Variants in TNIP1 observed in about 807,000 individuals in gnomAD.
TNIP1 encodes TNFAIP3-interacting protein 1.
TNIP1 carries 22 observed loss-of-function variants against 86.6 expected under a neutral mutation model. The ratio of observed to expected loss-of-function variants is 0.25; its 90% CI spans 0.18 to 0.36. The LOEUF is 0.36. TNIP1 is among the 10% of genes least tolerant of loss of function. TNIP1 has a pLI of 1.00. For synonymous variants in TNIP1, 294 were observed against 313.0 expected (o/e 0.94, Z 0.64); for missense variants, 709 against 820.6 (o/e 0.86, Z 1.66).
At chr5:151,034,188 AGCTGGTACATGGGCATGGAAG>A (rs1274842790) in intron 15 of TNIP1, among the ~76,000 whole-genome samples, 3 of 101,980 alleles carry the variant, frequency 2.9e-5, no homozygotes, top group Admixed American at 2.9e-4. Context: ...GGGCATGGAA[AGCTGGTACATGGGCATGGAAG>A]GCTGGTACAT....
At chr5:151,039,775 T>C (rs1758185888) in intron 11 of TNIP1, among the ~76,000 whole-genome samples, 1 of 152,156 alleles carries the variant, frequency 6.6e-6, no homozygotes. Context: ...AGAGGAGAGA[T>C]GACACGCCCA....
intron 16 of TNIP1, chr5:151,032,839 A>G (rs985966583): frequency 3.2e-5 from 6 of 189,430 alleles, no homozygotes; most frequent in African/African-American, 1.4e-4. Context: ...TAAGAAGGGA[A>G]AAGAGGCCAG....
rs767085385 is a variant in TNIP1 at position 151,064,920 on chromosome 5, G to A, written c.136+40C>T. The stretch of plus-strand genomic sequence containing the variant: ...AGAGGGACTGGCATCACAGTCTGCA[G>A]GGAGGGGCGCTCGCAGGGAGGGGAC... On this transcript the variant is annotated intron_variant, in intron 2 of 17. Transcript: ENST00000521591. 7 of 1,612,870 alleles carry A rather than the reference G, an allele frequency of 4.3e-6. No individual in the cohort carries two copies. In the Admixed American group the frequency reaches 5.0e-5, roughly 12 times the overall value.
chr5:151,065,213 C>A lies in TNIP1; in HGVS notation c.-36-82G>T. The A allele has an allele frequency of 2.4e-6, 3 of 1,229,466 alleles. No individual in the cohort carries two copies. The South Asian group carries it at 4.3e-5, about 18-fold the overall frequency. 76.2% of individuals were successfully genotyped at this position (1,229,466 alleles called of 1,614,324 possible). On this transcript the variant is annotated intron_variant, in intron 1 of 17. Transcript: ENST00000521591. ...GCAGAGAAGCTCTAGTCTGTCAATG[C>A]CCCAGAAGGCAGTCCCCCACTTTAA...
rs540416374 is a variant in TNIP1 at position 151,062,044 on chromosome 5, T to A, written c.357+83A>T. 6 of 1,302,602 alleles carry A rather than the reference T, an allele frequency of 4.6e-6. No homozygotes were observed. The South Asian group carries it at 7.5e-5, about 16-fold the overall frequency. 80.7% of individuals were successfully genotyped at this position (1,302,602 alleles called of 1,614,324 possible). On this transcript the variant is annotated intron_variant, in intron 4 of 17. Coordinates refer to ENST00000521591, the MANE Select transcript of TNIP1 (RefSeq NM_006058.5). ...GAACACAGTTTCTTGACCTCAACCC[T>A]CTTTCTTCATGTTCTTGTATCTGTC...
chr5:151,057,325 C>T (rs1760798812), intron 5 of TNIP1, among the ~76,000 whole-genome samples: 2 of 152,078 alleles, frequency 1.3e-5, no homozygotes, highest in Admixed American at 6.5e-5. Flanking sequence ...TGAATTGACC[C>T]CTGACAGTAA....
In TNIP1 at chr5:151,081,004, G is replaced by C. The variant is rs1373582270; in HGVS notation, c.-161C>G. ...AGCACTCCTAGGGCTCCTGGACGGGGGCAGGGCACCCGGGCCGAGGACGAG... is the reference window on the plus strand; with the variant it reads ...AGCACTCCTAGGGCTCCTGGACGGGCGCAGGGCACCCGGGCCGAGGACGAG... On this transcript the variant is annotated 5_prime_UTR_variant, in exon 1 of 18. Transcript: ENST00000521591. 6.6e-6 allele frequency: 1 copy of C among 152,168 alleles called. No individual in the cohort carries two copies. Among genetic ancestry groups the C allele is most frequent in the Admixed American group, 6.5e-5 (1 of 15,290 alleles). The allele number at this position is 152,168 out of a possible 1,614,324, so 9.4% of individuals were successfully genotyped here. A position where few individuals can be genotyped will look rare whatever the true frequency, so the allele number is the denominator to read the frequency against.
At chr5:151,083,144 G>A (rs62383767), upstream of TNIP1, among the ~76,000 whole-genome samples, 21,690 of 152,144 alleles carry the variant, frequency 0.14, 2,200 homozygotes, top group East Asian at 0.5. Flanking sequence ...GCTATGAATT[G>A]AGCTAATGGG....
At position 151,039,077 on chromosome 5, in the gene TNIP1, AC is replaced by A; in HGVS notation, c.1263+19del. 1 of 1,607,874 alleles carries A rather than the reference AC, an allele frequency of 6.2e-7. No individual in the cohort carries two copies. Among genetic ancestry groups the A allele is most frequent in the African/African-American group, 1.3e-5 (1 of 74,860 alleles). On this transcript the variant is annotated intron_variant, in intron 12 of 17. Coordinates refer to ENST00000521591, the MANE Select transcript of TNIP1 (RefSeq NM_006058.5). ...GGACTCAAGGGAGCCCAGCCAAGGG[AC>A]CCGGGCCAAGGCACCCACCTTGTTG...
intron 17 of TNIP1, among the ~76,000 whole-genome samples, chr5:151,031,596 A>C (rs1286318523): frequency 6.6e-6 from 1 of 152,190 alleles, no homozygotes; most frequent in Non-Finnish European, 1.5e-5. Context: ...CAGTGACTAC[A>C]CATTATGCTG....
intron 2 of TNIP1, among the ~76,000 whole-genome samples, chr5:151,063,985 C>T (rs903974195): frequency 6.6e-6 from 1 of 152,168 alleles, no homozygotes; most frequent in African/African-American, 2.4e-5. Context: ...CGGAAGGAAT[C>T]TATGAGAAAC....
chr5:151,032,409 TCAATAATCACACC>T, intron 16 of TNIP1, 26 bp from the exon 17 acceptor site: 3 of 1,610,962 alleles, frequency 1.9e-6, no homozygotes, highest in Non-Finnish European at 2.5e-6. Context: ...TGCTTAATAA[TCAATAATCACACC>T]CAAAAATTAC....
rs747562444 is a variant in TNIP1 at position 151,033,666 on chromosome 5, G to T, written c.1721C>A (p.Pro574His). Reference protein sequence around the residue: ...FEDWSQIRYPPPPMAMEHPPP... With the variant: ...FEDWSQIRYPHPPMAMEHPPP... ...CGGGTGCTCCATGGCCATGGGGGGA[G>T]GGGGGTAGCGGATCTGGGACCAGTC... Residue 574 changes from proline to histidine, a missense_variant, in exon 16 of 18, where the codon CCT becomes CAT. By Grantham distance (77) the Pro-to-His change is moderately conservative. Transcript: ENST00000521591. The T allele has an allele frequency of 3.7e-6, 5 of 1,344,994 alleles. No individual in the cohort carries two copies. The highest frequency in any genetic ancestry group is 5.8e-5 in the Admixed American group (2 of 34,388). 83.3% of individuals were successfully genotyped at this position (1,344,994 alleles called of 1,614,324 possible).
intron 1 of TNIP1, among the ~76,000 whole-genome samples, chr5:151,073,171 G>A (rs1350179404): frequency 7.4e-5 from 11 of 148,388 alleles, no homozygotes; most frequent in Admixed American, 2.0e-4. Flanking sequence ...GCAGTAAGCC[G>A]AGATCACGCC....
At chr5:151,083,692 T>C (rs1210205922), upstream of TNIP1, among the ~76,000 whole-genome samples, 1 of 152,200 alleles carries the variant, frequency 6.6e-6, no homozygotes, top group Non-Finnish European at 1.5e-5. Flanking sequence ...AACTTCTCGA[T>C]CTCCTTTCTG....
chr5:151,059,051 T>C (rs966476517), intron 5 of TNIP1, among the ~76,000 whole-genome samples: 16 of 152,230 alleles, frequency 1.1e-4, no homozygotes, highest in African/African-American at 3.9e-4. Context: ...TGGCAGATGC[T>C]GCTCTATTTA....
At chr5:151,077,288 A>C (rs932126801) in intron 1 of TNIP1, among the ~76,000 whole-genome samples, 1 of 152,234 alleles carries the variant, frequency 6.6e-6, no homozygotes, top group Non-Finnish European at 1.5e-5. Context: ...CATGAAGCAG[A>C]GGGATTACGT....
chr5:151,079,023 C>T (rs1763704262), intron 1 of TNIP1, among the ~76,000 whole-genome samples: 1 of 152,194 alleles, frequency 6.6e-6, no homozygotes, highest in African/African-American at 2.4e-5. Flanking sequence ...TATCCAGGGG[C>T]AGGCATCAAC....
intron 8 of TNIP1, among the ~76,000 whole-genome samples, chr5:151,049,336 C>T (rs1759596945): frequency 6.6e-6 from 1 of 152,102 alleles, no homozygotes; most frequent in South Asian, 2.1e-4. Flanking sequence ...ATCACCAGAC[C>T]ACACAGACAC....
Sources: allele counts gnomAD v4.1 joint callset (sites outside exome capture counted in the v4.1 genomes callset), GRCh38; gene constraint gnomAD v4.1.1; transcripts MANE v1.5; gene names NCBI Gene and HGNC (gene_info 2026-07-23, HGNC 2026-07-21).